The following HUWE1 variants were observed in gnomAD, a reference collection of about 807,000 sequenced individuals.
HUWE1 encodes the protein E3 ubiquitin-protein ligase HUWE1.
A neutral mutation model predicts 299.4 loss-of-function variants in HUWE1; 18 were observed. That is an observed-to-expected ratio of 0.06 (90% CI 0.04 to 0.09). The LOEUF is 0.09. HUWE1 is among the 10% of genes least tolerant of loss of function. The probability of loss-of-function intolerance (pLI) is 1.00; values close to 1 mark genes in which losing one functional copy is unlikely to be tolerated. For missense variants in HUWE1, 1,832 were observed against 3,462.3 expected (o/e 0.53, Z 11.82); for synonymous variants, 1,317 against 1,286.1 (o/e 1.02, Z -0.51).
intron 19 of HUWE1, among the ~76,000 whole-genome samples, chrX:53,617,689 T>C (rs1483641520): frequency 9.0e-6 from 1 of 111,634 alleles, no homozygotes; most frequent in Non-Finnish European, 1.9e-5. Flanking sequence ...CACTGTTTTA[T>C]ATATTTTGCT....
At chrX:53,606,705 C>CT (rs1433311429) in intron 25 of HUWE1, among the ~76,000 whole-genome samples, 1 of 111,508 alleles carries the variant, frequency 9.0e-6, no homozygotes, top group African/African-American at 3.3e-5. Context: ...GGGCATTATG[C>CT]TAAGTGAAAA....
chrX:53,589,379 G>A (rs1056145510), intron 36 of HUWE1, among the ~76,000 whole-genome samples, 168 bp downstream of exon 36: 5 of 111,897 alleles, frequency 4.5e-5, no homozygotes, highest in African/African-American at 1.6e-4. Flanking sequence ...TTGTGTGTGC[G>A]ATGTAGTTAA....
At chrX:53,566,071 G>T (rs1470068100) in intron 49 of HUWE1, among the ~76,000 whole-genome samples, 3 of 102,081 alleles carry the variant, frequency 2.9e-5, no homozygotes, top group Non-Finnish European at 3.9e-5. Flanking sequence ...TCTGCTTTAT[G>T]TGTGTATTTA....
intron 74 of HUWE1, among the ~76,000 whole-genome samples, chrX:53,541,584 A>ACT (rs1249784631): frequency 9.0e-6 from 1 of 111,323 alleles, no homozygotes; most frequent in African/African-American, 3.3e-5. Context: ...ACAGAGCTAG[A>ACT]CTCTGTGTCA....
At chrX:53,577,145 G>A in intron 43 of HUWE1, 78 bp from the exon 44 acceptor site, 1 of 753,483 alleles carries the variant, frequency 1.3e-6, no homozygotes, top group Non-Finnish European at 2.1e-6. Context: ...GACTCAGAAG[G>A]GGGCATGTAT....
rs146431063 is a variant in HUWE1, at chrX:53,575,796, A to G, written c.5885-8T>C. On this transcript the variant is annotated splice_polypyrimidine_tract_variant and splice_region_variant and intron_variant, in intron 44 of 83. Coordinates refer to ENST00000262854, the MANE Select transcript of HUWE1 (RefSeq NM_031407.7). ...TAGGATCAGATTTATCTGCTAGGAA[A>G]ACAGTAACAACCATCAAAAACAAAA... The G allele has an allele frequency of 5.1e-4, 621 of 1,208,658 alleles. 5 individuals are homozygous for G. The East Asian group carries it at 0.016, about 30-fold the overall frequency.
At chrX:53,644,300 A>G (rs782520890) in intron 7 of HUWE1, among the ~76,000 whole-genome samples, 3 of 112,366 alleles carry the variant, frequency 2.7e-5, no homozygotes, top group Non-Finnish European at 5.6e-5. Context: ...TAGTTTTCTT[A>G]AAGTTTATAT....
intron 79 of HUWE1, 62 bp downstream of exon 79, chrX:53,536,318 G>A: frequency 4.3e-6 from 5 of 1,168,669 alleles, no homozygotes; most frequent in Non-Finnish European, 4.7e-6. Context: ...CACAAGGATG[G>A]GACACAAAAA....
At chrX:53,670,683 T>C (rs2069477834) in intron 3 of HUWE1, among the ~76,000 whole-genome samples, 1 of 111,925 alleles carries the variant, frequency 8.9e-6, no homozygotes, top group Non-Finnish European at 1.9e-5. Flanking sequence ...CTTTTAAGGC[T>C]GGTCTCACCA....
chrX:53,663,097 T>A (rs782531506), intron 3 of HUWE1, among the ~76,000 whole-genome samples: 1 of 112,036 alleles, frequency 8.9e-6, no homozygotes, highest in South Asian at 3.7e-4. Flanking sequence ...TCCACTGAAA[T>A]TGGTAATAGA....
intron 32 of HUWE1, 110 bp from the exon 33 acceptor site, chrX:53,592,738 A>G: frequency 1.7e-6 from 1 of 580,671 alleles, no homozygotes; most frequent in Non-Finnish European, 2.9e-6. Flanking sequence ...TACCAGCAAC[A>G]AAATAATTGG....
chrX:53,665,886 C>T (rs1557047323), intron 3 of HUWE1, among the ~76,000 whole-genome samples: 1 of 111,725 alleles, frequency 9.0e-6, no homozygotes, highest in Non-Finnish European at 1.9e-5. Context: ...AATCCCAGCA[C>T]TTTGGAAGCC....
At chrX:53,668,600 T>G (rs782022083) in intron 3 of HUWE1, among the ~76,000 whole-genome samples, 1 of 111,479 alleles carries the variant, frequency 9.0e-6, no homozygotes, top group Non-Finnish European at 1.9e-5. Context: ...TTGCCATACA[T>G]CTCTGAGTCC....
chrX:53,583,574 C>T lies in HUWE1; in HGVS notation c.5504G>A (p.Arg1835His), dbSNP rs372535116. 4.3e-5 allele frequency: 51 copies of T among 1,197,363 alleles called. No individual in the cohort carries two copies. Among genetic ancestry groups the T allele is most frequent in the South Asian group, 4.2e-4 (24 of 56,490 alleles). Residue 1835 changes from arginine (R) to histidine (H), a missense_variant, in exon 42 of 84, where the codon CGT (arginine) becomes CAT (histidine). By Grantham distance (29) the Arg-to-His change is conservative. Coordinates refer to ENST00000262854, the MANE Select transcript of HUWE1 (RefSeq NM_031407.7). ...RHIIEDPCTL[R>H]HTMEKVVRSA... The stretch of plus-strand genomic sequence containing the variant: ...CACACTCACCTTTTCCATGGTATGA[C>T]GAAGGGTACAGGGGTCCTCAATGAT...
At chrX:53,659,565 C>T (rs997826395) in intron 3 of HUWE1, among the ~76,000 whole-genome samples, 27 of 111,526 alleles carry the variant, frequency 2.4e-4, no homozygotes, top group African/African-American at 8.8e-4. Flanking sequence ...AGAGGTGGAG[C>T]GCAGAGGATT....
intron 49 of HUWE1, among the ~76,000 whole-genome samples, chrX:53,567,055 T>G (rs1677877535): frequency 8.9e-6 from 1 of 111,962 alleles, no homozygotes; most frequent in Non-Finnish European, 1.9e-5. Context: ...AAATTTAGTA[T>G]TATTATATTA....
intron 36 of HUWE1, among the ~76,000 whole-genome samples, chrX:53,589,339 G>A (rs1240641680): frequency 8.9e-6 from 1 of 112,082 alleles, no homozygotes; most frequent in Non-Finnish European, 1.9e-5. Context: ...TAGAAAAGGA[G>A]AGCTTTGTTT....
intron 3 of HUWE1, among the ~76,000 whole-genome samples, chrX:53,669,485 C>T (rs1333148996): frequency 8.9e-6 from 1 of 112,080 alleles, no homozygotes; most frequent in Non-Finnish European, 1.9e-5. Context: ...TCTGGGCTTC[C>T]AACATGATGT....
chrX:53,533,029 G>T lies in HUWE1; in HGVS notation c.*280C>A. The T allele has an allele frequency of 2.8e-6, 1 of 353,904 alleles. No homozygotes were observed. Among genetic ancestry groups the T allele is most frequent in the Non-Finnish European group, 5.0e-6 (1 of 200,599 alleles). The allele number at this position is 353,904 out of a possible 1,213,427, so 29.2% of individuals were successfully genotyped here. ...GCACACTGTTCAAACAGTTGGGACA[G>T]ACAGGTCCCTGCAAAGGCTACTGCC... is the stretch of plus-strand genomic sequence containing the variant. On this transcript the variant is annotated 3_prime_UTR_variant, in exon 84 of 84. Coordinates refer to ENST00000262854, the MANE Select transcript of HUWE1 (RefSeq NM_031407.7).
Sources: gnomAD v4.1 joint callset for allele counts (sites outside exome capture counted in the v4.1 genomes callset) on GRCh38, gnomAD v4.1.1 for gene constraint, MANE v1.5 for transcripts, NCBI Gene and HGNC (gene_info 2026-07-23, HGNC 2026-07-21) for gene names.